OPCML: variants seen among roughly 807,000 people sequenced by gnomAD.
The protein encoded by OPCML is opioid-binding protein/cell adhesion molecule.
Under a neutral mutation model 37.8 loss-of-function variants are expected in OPCML, and 13 were observed. The observed-to-expected ratio is 0.34, with a 90% CI of 0.22 to 0.55. The LOEUF is 0.55. Ranked by LOEUF, OPCML falls within the 20% of genes least tolerant of loss-of-function variation. The pLI is 0.91. For missense variants in OPCML, 341 were observed against 435.6 expected, an observed-to-expected ratio of 0.78 and a Z score of 1.93; for synonymous variants, 176 against 168.8, an observed-to-expected ratio of 1.04 and a Z score of -0.33.
rs1192104626 is a variant in OPCML at position 133,206,994 on chromosome 11, TCTC to T, written c.62-263987_62-263985del. Among the ~76,000 whole-genome samples, 6 of 151,206 alleles carry T rather than the reference TCTC, an allele frequency of 4.0e-5. No individual in the cohort carries two copies. Among genetic ancestry groups the T allele is most frequent in the South Asian group, 2.1e-4 (1 of 4,800 alleles). On this transcript the variant is annotated intron_variant, in intron 1 of 7. Transcript: ENST00000524381. This position sits in a 1 kb window ranked among gnomAD's most constrained non-coding sequence, Gnocchi z 4.7. ...TCTCTCAGAGGAACGCCATAGAAAA[TCTC>T]CTTCTAAGAGCCGGGCGCGGTGGCT... is the stretch of plus-strand genomic sequence containing the variant.
chr11:133,263,767 G>A (rs1176038062), intron 1 of OPCML, among the ~76,000 whole-genome samples: 3 of 152,098 alleles, frequency 2.0e-5, no homozygotes, highest in Non-Finnish European at 4.4e-5. Flanking sequence ...AGACAGAGCC[G>A]CTCAAAAAGA....
chr11:132,703,746 TTGGGTCCATGTGAGTAGGCCTGAAATC>T lies in OPCML; in HGVS notation c.147-46454_147-46428del, dbSNP rs1293958739. On this transcript the variant is annotated intron_variant, in intron 2 of 7. Transcript: ENST00000524381. ...TGTCCACTGAGGGCAGGACTGGAAC[TTGGGTCCATGTGAGTAGGCCTGAAATC>T]TGGGTCCACAGGGGTGGGCCTAAAG... is the stretch of plus-strand genomic sequence containing the variant. Among the ~76,000 whole-genome samples the T allele has an allele frequency of 1.4e-4, 21 of 152,296 alleles. No individual in the cohort carries two copies. The South Asian group carries it at 2.1e-3, about 15-fold the overall frequency.
Position 132,503,990 on chromosome 11 carries a change from G to A in OPCML, c.505+25071C>T, listed in dbSNP as rs1592276979. ...TTTTATGCACCTTTGTTAAAAGCAA[G>A]GAGAGATATCTGCTTCAAAATTGTA... On this transcript the variant is annotated intron_variant, in intron 4 of 7. Transcript: ENST00000524381. 4.6e-5 allele frequency among the ~76,000 whole-genome samples: 7 copies of A among 151,998 alleles called. No homozygotes were observed. In the South Asian group the frequency reaches 1.4e-3, roughly 31 times the overall value.
chr11:132,856,156 A>G (rs978499115), intron 2 of OPCML, among the ~76,000 whole-genome samples: 1 of 152,230 alleles, frequency 6.6e-6, no homozygotes, highest in African/African-American at 2.4e-5. Context: ...AAATAATGTT[A>G]TTAGGTTAGT....
At chr11:133,128,268 A>G (rs1360259282) in intron 1 of OPCML, among the ~76,000 whole-genome samples, 1 of 152,148 alleles carries the variant, frequency 6.6e-6, no homozygotes, top group African/African-American at 2.4e-5. Flanking sequence ...AAATACCCCT[A>G]TGGAGGTGGA....
intron 1 of OPCML, among the ~76,000 whole-genome samples, chr11:132,947,675 C>T (rs1319595838): frequency 6.6e-6 from 1 of 152,168 alleles, no homozygotes; most frequent in Non-Finnish European, 1.5e-5. Flanking sequence ...TCACAATGAA[C>T]AAGGACTAAG....
chr11:133,254,382 T>G (rs187271626), intron 1 of OPCML, among the ~76,000 whole-genome samples: 2 of 152,298 alleles, frequency 1.3e-5, no homozygotes, highest in Admixed American at 1.3e-4. Context: ...TTTATGTGAA[T>G]AGTCAGGATA....
intron 1 of OPCML, among the ~76,000 whole-genome samples, chr11:133,503,399 C>CT (rs1402022307): frequency 6.6e-6 from 1 of 152,208 alleles, no homozygotes; most frequent in Non-Finnish European, 1.5e-5. Flanking sequence ...CCCTCACCCT[C>CT]TGTGTTGTGG....
At chr11:132,533,287 C>G (rs902611999) in intron 3 of OPCML, among the ~76,000 whole-genome samples, 1 of 152,040 alleles carries the variant, frequency 6.6e-6, no homozygotes, top group Non-Finnish European at 1.5e-5. Flanking sequence ...TGCACAACTA[C>G]GGTAACTTCA....
chr11:132,946,003 C>T (rs1303783670), intron 1 of OPCML, among the ~76,000 whole-genome samples: 1 of 152,170 alleles, frequency 6.6e-6, no homozygotes, highest in Non-Finnish European at 1.5e-5. Context: ...AGGATGGTTT[C>T]GATCTCCTGA....
chr11:132,686,455 G>A (rs1388906549), intron 2 of OPCML, among the ~76,000 whole-genome samples: 12 of 152,108 alleles, frequency 7.9e-5, no homozygotes, highest in Admixed American at 7.9e-4. Flanking sequence ...GCAAATAATG[G>A]AATCTGATTG....
intron 2 of OPCML, among the ~76,000 whole-genome samples, chr11:132,913,847 T>G (rs941612737): frequency 1.4e-4 from 22 of 152,212 alleles, no homozygotes; most frequent in East Asian, 7.7e-4. Flanking sequence ...GTCCTTTCTC[T>G]CAGCTCCACA....
At chr11:133,365,677 A>G (rs1338747284) in intron 1 of OPCML, 1 of 152,186 alleles carries the variant, frequency 6.6e-6, no homozygotes, top group Non-Finnish European at 1.5e-5. Flanking sequence ...TAAAGGCATT[A>G]GTGTTGAGAT....
At chr11:132,694,816 T>G (rs967694094) in intron 2 of OPCML, among the ~76,000 whole-genome samples, 4 of 152,144 alleles carry the variant, frequency 2.6e-5, no homozygotes, top group Non-Finnish European at 2.9e-5. Context: ...ATGCTGCAAT[T>G]CTCCCCTTCC....
At chr11:132,604,180 T>C (rs922611870) in intron 3 of OPCML, among the ~76,000 whole-genome samples, 5 of 152,178 alleles carry the variant, frequency 3.3e-5, no homozygotes, top group Admixed American at 6.5e-5. Flanking sequence ...TCCATGCGTC[T>C]GTCCTCAACA....
chr11:133,502,709 A>T (rs1947942750), intron 1 of OPCML, among the ~76,000 whole-genome samples: 1 of 152,214 alleles, frequency 6.6e-6, no homozygotes, highest in Non-Finnish European at 1.5e-5. Flanking sequence ...CAGGTACCAC[A>T]GTTCTGGGCC....
intron 1 of OPCML, among the ~76,000 whole-genome samples, chr11:133,029,178 C>T (rs1947620855): frequency 6.6e-6 from 1 of 151,942 alleles, no homozygotes; most frequent in Non-Finnish European, 1.5e-5. Context: ...CATCTCACAC[C>T]AGTCAGAATG....
At chr11:132,620,358 G>A (rs1939324542) in intron 3 of OPCML, among the ~76,000 whole-genome samples, 1 of 152,194 alleles carries the variant, frequency 6.6e-6, no homozygotes, top group Non-Finnish European at 1.5e-5. Flanking sequence ...TGAGAAATTG[G>A]ATGGATTGGT....
chr11:132,882,708 T>C (rs891606984), intron 2 of OPCML, among the ~76,000 whole-genome samples: 3 of 152,162 alleles, frequency 2.0e-5, no homozygotes, highest in African/African-American at 7.2e-5. Flanking sequence ...GATTACAATA[T>C]AACAAGTAAC....
Sources: gnomAD v4.1 joint callset for allele counts (sites outside exome capture counted in the v4.1 genomes callset) on GRCh38, gnomAD v4.1.1 for gene constraint, Gnocchi (gnomAD v3.1) non-coding constraint, MANE v1.5 for transcripts, NCBI Gene and HGNC (gene_info 2026-07-23, HGNC 2026-07-21) for gene names.